The following LHPP variants were observed in gnomAD, a reference collection of about 807,000 sequenced individuals.
The protein encoded by LHPP is phospholysine phosphohistidine inorganic pyrophosphate phosphatase, also known as hLHPP.
In LHPP, 24 loss-of-function variants were observed where a neutral mutation model predicts 30.3. That is an observed-to-expected ratio of 0.79 (90% confidence interval 0.57 to 1.11). LHPP has a LOEUF of 1.11. Ranked by LOEUF, LHPP falls within the 50% of genes most tolerant of loss-of-function variation. The probability of loss-of-function intolerance (pLI) is 0.00; values close to 1 mark genes in which losing one functional copy is unlikely to be tolerated. For synonymous variants in LHPP, 150 were observed against 157.1 expected (o/e 0.95, Z 0.34); for missense variants, 356 against 367.2 (o/e 0.97, Z 0.25).
At chr10:124,508,182 G>C (rs952456446) in intron 5 of LHPP, among the ~76,000 whole-genome samples, 1 of 152,066 alleles carries the variant, frequency 6.6e-6, no homozygotes, top group African/African-American at 2.4e-5. Context: ...AGTTCTTTCT[G>C]CTGTGGCCTC....
intron 5 of LHPP, among the ~76,000 whole-genome samples, chr10:124,506,028 G>A (rs922118587): frequency 6.6e-6 from 1 of 152,090 alleles, no homozygotes; most frequent in African/African-American, 2.4e-5. Context: ...GGTGGATCAC[G>A]AGCCCAGGAG....
At chr10:124,612,935 G>A (rs1949220705) in intron 6 of LHPP, 1 of 391,824 alleles carries the variant, frequency 2.6e-6, no homozygotes, top group African/African-American at 2.0e-5. Flanking sequence ...GTACACTCAT[G>A]TCCCCACCAT....
intron 1 of LHPP, among the ~76,000 whole-genome samples, chr10:124,483,757 C>CA (rs1367660351): frequency 1.9e-4 from 27 of 141,826 alleles, no homozygotes; most frequent in African/African-American, 6.9e-4. Flanking sequence ...GACTCCATCT[C>CA]AAAAATAAAG....
chr10:124,521,161 G>A (rs1234412309), intron 6 of LHPP, among the ~76,000 whole-genome samples: 1 of 152,192 alleles, frequency 6.6e-6, no homozygotes, highest in Non-Finnish European at 1.5e-5. Flanking sequence ...CTCGCTCTCT[G>A]GAGGGCTGTT....
chr10:124,566,074 G>T (rs1253356059), intron 6 of LHPP, among the ~76,000 whole-genome samples: 4 of 152,378 alleles, frequency 2.6e-5, no homozygotes, highest in Admixed American at 2.6e-4. Flanking sequence ...GTTGTGGGCA[G>T]TTGCCATGCC....
rs186924327 is a variant in LHPP, at chr10:124,596,136, G to C, written c.717-17128G>C. On this transcript the variant is annotated intron_variant, in intron 6 of 6. Transcript: ENST00000368842. The surrounding 1 kb of genome is among the most constrained non-coding windows in gnomAD (Gnocchi z 4.6). ...ATGTTTCATCACGAGGCTGGACCACGATGTGTTTATCATGTCACTGTTGCT... is the reference window on the plus strand; with the variant it reads ...ATGTTTCATCACGAGGCTGGACCACCATGTGTTTATCATGTCACTGTTGCT... 6.6e-6 allele frequency among the ~76,000 whole-genome samples: 1 copy of C among 152,146 alleles called. No homozygotes were observed. The highest frequency in any genetic ancestry group is 1.9e-4 in the East Asian group (1 of 5,200).
In LHPP at chr10:124,613,598, C is replaced by A. The variant is rs1445449052; in HGVS notation, c.*238C>A. 2 of 573,512 alleles carry A rather than the reference C, an allele frequency of 3.5e-6. No individual in the cohort carries two copies. Among genetic ancestry groups the A allele is most frequent in the Non-Finnish European group, 6.3e-6 (2 of 318,848 alleles). The allele number at this position is 573,512 out of a possible 1,614,324, so 35.5% of individuals were successfully genotyped here. On this transcript the variant is annotated 3_prime_UTR_variant, in exon 7 of 7. Transcript: ENST00000368842. Reference sequence around the variant, plus strand: ...GGCATTTGTTCCCTACCTGGGTGGCCTGCTCCCCTGCCTGGGCCCTGACTT... The same window carrying A: ...GGCATTTGTTCCCTACCTGGGTGGCATGCTCCCCTGCCTGGGCCCTGACTT...
At chr10:124,566,188 G>C (rs1338918999) in intron 6 of LHPP, among the ~76,000 whole-genome samples, 2 of 152,268 alleles carry the variant, frequency 1.3e-5, no homozygotes. Flanking sequence ...AAGTGGGCCA[G>C]GTCCTGGAGA....
intron 3 of LHPP, among the ~76,000 whole-genome samples, chr10:124,493,036 GA>G (rs1187646306): frequency 2.7e-5 from 4 of 148,840 alleles, no homozygotes; most frequent in Non-Finnish European, 6.0e-5. Flanking sequence ...AAAAAGAAAA[GA>G]AAAAAAGTTG....
chr10:124,558,310 T>C (rs1202129847), intron 6 of LHPP, among the ~76,000 whole-genome samples: 1 of 152,184 alleles, frequency 6.6e-6, no homozygotes, highest in Non-Finnish European at 1.5e-5. Flanking sequence ...CACCACCTAG[T>C]TGGCACTCCC....
intron 6 of LHPP, among the ~76,000 whole-genome samples, chr10:124,600,192 G>A (rs921069242): frequency 3.3e-5 from 5 of 152,228 alleles, no homozygotes; most frequent in African/African-American, 1.2e-4. Context: ...TTGGTAGCGC[G>A]GCCCCTCGCA....
chr10:124,496,963 G>T lies in LHPP; in HGVS notation c.470G>T (p.Arg157Leu), dbSNP rs373747955. The T allele has an allele frequency of 6.2e-7, 1 of 1,613,812 alleles. No homozygotes were observed. Among genetic ancestry groups the T allele is most frequent in the African/African-American group, 1.3e-5 (1 of 74,908 alleles). Residue 157 changes from arginine (R) to leucine (L), a missense_variant and splice_region_variant, in exon 4 of 7, where the codon CGT becomes CTT. By Grantham distance (102) the Arg-to-Leu change is moderately radical (BLOSUM62 -2). Coordinates refer to ENST00000368842, the MANE Select transcript of LHPP (RefSeq NM_022126.4). This position sits in a 1 kb window ranked among gnomAD's most constrained non-coding sequence, Gnocchi z 4.3. ...KPVLISLGKG[R>L]YYKETSGLML... is the part of the protein sequence containing the mutation. ...TGCTCCGTTCTGCTCTCTCCTAGGC[G>T]TTACTACAAGGAGACCTCTGGCCTG...
At chr10:124,543,081 G>T (rs1017387197) in intron 6 of LHPP, among the ~76,000 whole-genome samples, 2 of 152,182 alleles carry the variant, frequency 1.3e-5, no homozygotes, top group African/African-American at 4.8e-5. Flanking sequence ...GGGCCCAGCG[G>T]GTCCTCAGGC....
chr10:124,606,545 G>T (rs1422203900), intron 6 of LHPP, among the ~76,000 whole-genome samples: 1 of 152,242 alleles, frequency 6.6e-6, no homozygotes, highest in Non-Finnish European at 1.5e-5. Flanking sequence ...CAGGGGAAAC[G>T]CCAACTTCGT....
intron 6 of LHPP, among the ~76,000 whole-genome samples, chr10:124,594,656 A>C (rs528092749): frequency 1.4e-5 from 2 of 146,790 alleles, no homozygotes; most frequent in East Asian, 4.0e-4. Flanking sequence ...TTTGAGATGG[A>C]GTCTCACTCT....
chr10:124,612,261 C>A (rs1411462200), intron 6 of LHPP, among the ~76,000 whole-genome samples: 1 of 152,132 alleles, frequency 6.6e-6, no homozygotes, highest in Non-Finnish European at 1.5e-5. Context: ...ACAAAAAAAG[C>A]CGGGCGTGGT....
At chr10:124,501,087 C>T (rs1953884023) in intron 5 of LHPP, among the ~76,000 whole-genome samples, 1 of 152,000 alleles carries the variant, frequency 6.6e-6, no homozygotes, top group South Asian at 2.1e-4. Context: ...GAATGAAGTT[C>T]TGACACATGC....
chr10:124,587,891 G>A (rs1948826556), intron 6 of LHPP, among the ~76,000 whole-genome samples: 1 of 152,196 alleles, frequency 6.6e-6, no homozygotes, highest in South Asian at 2.1e-4. Flanking sequence ...GCCGAGTGCT[G>A]AATGCAGGTT....
chr10:124,604,300 A>G (rs1949065646), intron 6 of LHPP, among the ~76,000 whole-genome samples: 1 of 152,170 alleles, frequency 6.6e-6, no homozygotes, highest in Admixed American at 6.5e-5. Context: ...CCAGGGACCC[A>G]GCTCAGGCCA....
Sources: allele counts gnomAD v4.1 joint callset (sites outside exome capture counted in the v4.1 genomes callset), GRCh38; gene constraint gnomAD v4.1.1; non-coding constraint Gnocchi (gnomAD v3.1); transcripts MANE v1.5; gene names NCBI Gene and HGNC (gene_info 2026-07-23, HGNC 2026-07-21).